MYOM1: variants seen among roughly 807,000 people sequenced by gnomAD.
MYOM1 encodes the protein myomesin 1, also known as myomesin-1.
In MYOM1, 164 loss-of-function variants were observed where a neutral mutation model predicts 205.3. The observed-to-expected ratio is 0.80, with a 90% CI of 0.70 to 0.91. The LOEUF is 0.91. Among genes scored for constraint, MYOM1 ranks in the 40% least tolerant of loss-of-function variants. MYOM1 has a pLI of 0.00. For synonymous variants in MYOM1, 772 were observed against 789.4 expected (o/e 0.98, Z 0.37); for missense variants, 2,011 against 2,127.3 (o/e 0.95, Z 1.08).
intron 26 of MYOM1, among the ~76,000 whole-genome samples, chr18:3,091,596 TGACCTA>T (rs1465116542): frequency 5.3e-5 from 8 of 152,368 alleles, no homozygotes; most frequent in Admixed American, 5.2e-4. Flanking sequence ...GTGGAGTTTA[TGACCTA>T]GACCAGAATA....
intron 33 of MYOM1, among the ~76,000 whole-genome samples, chr18:3,082,804 G>T (rs1201455049): frequency 6.6e-6 from 1 of 152,178 alleles, no homozygotes; most frequent in Non-Finnish European, 1.5e-5. Context: ...CTTGAATAGA[G>T]TCCCTGTATA....
At chr18:3,174,981 T>C (rs2080615872) in intron 6 of MYOM1, among the ~76,000 whole-genome samples, 1 of 152,218 alleles carries the variant, frequency 6.6e-6, no homozygotes, top group African/African-American at 2.4e-5. Flanking sequence ...GGTTGTTTTA[T>C]GTCTTATCAT....
At chr18:3,194,059 T>C in intron 2 of MYOM1, 101 bp from the exon 3 acceptor site, 1 of 1,186,574 alleles carries the variant, frequency 8.4e-7, no homozygotes, top group Non-Finnish European at 1.2e-6. Context: ...TTTTACCAAA[T>C]CCTAGATCTC....
the MYOM1 span, chr18:3,247,086 A>C: frequency 6.6e-6 from 1 of 152,168 alleles, no homozygotes; most frequent in African/African-American, 2.4e-5. Flanking sequence ...TGTCCTTGTT[A>C]GCCAGGGTCA....
intron 13 of MYOM1, among the ~76,000 whole-genome samples, chr18:3,147,141 A>AATATATATTATAG (rs2080140109): frequency 7.0e-6 from 1 of 143,594 alleles, no homozygotes; most frequent in South Asian, 2.1e-4. Context: ...ATTATAGATA[A>AATATATATTATAG]ATATATATAT....
At chr18:3,231,976 C>A in the MYOM1 span, among the ~76,000 whole-genome samples, 1 of 149,386 alleles carries the variant, frequency 6.7e-6, no homozygotes, top group Admixed American at 6.7e-5. Context: ...TGTCATTTAC[C>A]ACAAAAAGTT....
chr18:3,145,912 A>G (rs1365724724), intron 13 of MYOM1, among the ~76,000 whole-genome samples: 2 of 152,116 alleles, frequency 1.3e-5, no homozygotes, highest in African/African-American at 4.8e-5. Context: ...TAAAACACGA[A>G]TATTAGGAAT....
chr18:3,177,991 C>T (rs183001409), intron 5 of MYOM1, among the ~76,000 whole-genome samples: 176 of 152,284 alleles, frequency 1.2e-3, no homozygotes, highest in African/African-American at 4.0e-3. Context: ...CTCCCTGGGA[C>T]CCTGTCTTCT....
At chr18:3,151,570 A>T in intron 12 of MYOM1, 124 bp downstream of exon 12, 1 of 777,002 alleles carries the variant, frequency 1.3e-6, no homozygotes, top group Non-Finnish European at 1.9e-6. Flanking sequence ...TTCTGATGAA[A>T]AAAGGATTTC....
At chr18:3,086,528 C>G (rs2079156337) in intron 29 of MYOM1, among the ~76,000 whole-genome samples, 1 of 152,104 alleles carries the variant, frequency 6.6e-6, no homozygotes, top group African/African-American at 2.4e-5. Flanking sequence ...GTTACAAAAA[C>G]AAATGGCTTT....
chr18:3,216,055 G>A (rs569273931), intron 1 of MYOM1, among the ~76,000 whole-genome samples: 1 of 152,254 alleles, frequency 6.6e-6, no homozygotes, highest in Admixed American at 6.5e-5. Flanking sequence ...ATCACTTGAG[G>A]TCAGGAGTTC....
intron 22 of MYOM1, among the ~76,000 whole-genome samples, chr18:3,110,278 A>G (rs1716230800): frequency 6.6e-6 from 1 of 152,182 alleles, no homozygotes. Context: ...ATGGGACAGA[A>G]TAGAAGCAGA....
intron 25 of MYOM1, among the ~76,000 whole-genome samples, chr18:3,097,760 T>C (rs1053616213): frequency 3.3e-5 from 5 of 152,160 alleles, no homozygotes; most frequent in African/African-American, 1.2e-4. Flanking sequence ...AATGCGACAC[T>C]GGGTCTCTAA....
chr18:3,126,016 C>A (rs2079776122), intron 19 of MYOM1, among the ~76,000 whole-genome samples: 1 of 152,018 alleles, frequency 6.6e-6, no homozygotes, highest in African/African-American at 2.4e-5. Context: ...TGCCTATAAT[C>A]CCAGCACTTT....
intron 5 of MYOM1, among the ~76,000 whole-genome samples, chr18:3,186,885 A>G (rs1464108829): frequency 6.6e-6 from 1 of 151,222 alleles, no homozygotes. Context: ...AGAGAGAAAG[A>G]AAGAAAGAGA....
At chr18:3,176,742 C>T (rs2080646282) in intron 5 of MYOM1, among the ~76,000 whole-genome samples, 1 of 151,884 alleles carries the variant, frequency 6.6e-6, no homozygotes, top group African/African-American at 2.4e-5. Context: ...ATTAGCCAGG[C>T]ATGGTAGCAC....
intron 33 of MYOM1, among the ~76,000 whole-genome samples, chr18:3,080,096 G>T (rs114330602): frequency 1.4e-3 from 216 of 152,182 alleles, no homozygotes; most frequent in African/African-American, 4.7e-3. Flanking sequence ...TATGTTAAAA[G>T]AAACTTTATG....
At chr18:3,099,274 T>A (rs2079347276) in intron 25 of MYOM1, among the ~76,000 whole-genome samples, 1 of 152,248 alleles carries the variant, frequency 6.6e-6, no homozygotes, top group South Asian at 2.1e-4. Context: ...TTGGGGAATT[T>A]ACTAAAAGTG....
At chr18:3,213,159 G>T (rs980856539) in intron 2 of MYOM1, among the ~76,000 whole-genome samples, 5 of 152,140 alleles carry the variant, frequency 3.3e-5, no homozygotes, top group Non-Finnish European at 7.3e-5. Flanking sequence ...TTCTGCCTTT[G>T]GAAGCATGCC....
Sources: gnomAD v4.1 joint callset for allele counts (sites outside exome capture counted in the v4.1 genomes callset) on GRCh38, gnomAD v4.1.1 for gene constraint, MANE v1.5 for transcripts, NCBI Gene and HGNC (gene_info 2026-07-23, HGNC 2026-07-21) for gene names.